DOCK10: variants seen among roughly 807,000 people sequenced by gnomAD.
DOCK10 encodes dedicator of cytokinesis protein 10.
Under a neutral mutation model 280.1 loss-of-function variants are expected in DOCK10, and 145 were observed. The observed-to-expected ratio is 0.52, with a 90% CI of 0.45 to 0.59. The LOEUF (loss-of-function observed/expected upper bound fraction) is 0.59. DOCK10 is among the 20% of genes least tolerant of loss of function. The pLI is 0.00. For missense variants in DOCK10, 2,368 were observed against 2,651.7 expected (o/e 0.89, Z 2.35); for synonymous variants, 915 against 942.2 (o/e 0.97, Z 0.53).
rs1457165124 is a variant in DOCK10, at chr2:224,765,756, G to T, written c.6526C>A (p.Pro2176Thr). The change falls in exon 56 of 56, where the codon CCC becomes ACC. Residue 2176 changes from proline (P) to threonine (T), a missense_variant. Physicochemically the swap from Pro to Thr is conservative, Grantham distance 38. Coordinates refer to ENST00000258390, the MANE Select transcript of DOCK10 (RefSeq NM_014689.3). ...GCACTAGATGAGATGGAGACCGTGGGTAGGGCCGGAGTTGCTTTGCTAATT... is the reference window on the plus strand; with the variant it reads ...GCACTAGATGAGATGGAGACCGTGGTTAGGGCCGGAGTTGCTTTGCTAATT... ...RVISKATPAL[P>T]TVSISSSAEV 1 of 1,613,910 alleles carries T rather than the reference G, an allele frequency of 6.2e-7. No homozygotes were observed. The highest frequency in any genetic ancestry group is 1.1e-5 in the South Asian group (1 of 91,056).
intron 11 of DOCK10, among the ~76,000 whole-genome samples, chr2:224,869,081 C>T (rs1053004778): frequency 3.3e-5 from 5 of 152,126 alleles, no homozygotes; most frequent in East Asian, 1.9e-4. Flanking sequence ...AACAAAGCAT[C>T]TGCAAAGCCT....
At chr2:224,954,417 A>G (rs1242620890) in intron 1 of DOCK10, among the ~76,000 whole-genome samples, 1 of 152,160 alleles carries the variant, frequency 6.6e-6, no homozygotes, top group Non-Finnish European at 1.5e-5. Context: ...TTATTTTCTG[A>G]ATTTCCTGTT....
At chr2:224,981,743 T>C (rs558475349) in intron 1 of DOCK10, among the ~76,000 whole-genome samples, 1 of 152,270 alleles carries the variant, frequency 6.6e-6, no homozygotes, top group Non-Finnish European at 1.5e-5. Context: ...AGGCATTTCC[T>C]TTGCAGAGTC....
chr2:224,969,650 A>T (rs114701858), intron 1 of DOCK10, among the ~76,000 whole-genome samples: 1,596 of 152,284 alleles, frequency 0.01, 33 homozygotes, highest in African/African-American at 0.036. Context: ...TCAGAGCTAA[A>T]AGGAAGAAAT....
At chr2:224,855,064 GACACACACACACACACACACAC>G (rs60658292) in intron 15 of DOCK10, 22 bp from the exon 16 acceptor site, 16 of 575,470 alleles carry the variant, frequency 2.8e-5, no homozygotes, top group Admixed American at 2.7e-4. Flanking sequence ...CATGAGCAAG[GACACACACACACACACACACAC>G]ACACACACAC....
intron 1 of DOCK10, among the ~76,000 whole-genome samples, chr2:224,996,057 A>G (rs996112501): frequency 3.3e-5 from 5 of 152,242 alleles, no homozygotes; most frequent in African/African-American, 1.2e-4. Context: ...CTAGGCCATT[A>G]CTTGGCCTAA....
At chr2:224,837,661 C>T (rs1695675603) in intron 25 of DOCK10, 101 bp downstream of exon 25, 4 of 928,326 alleles carry the variant, frequency 4.3e-6, no homozygotes, top group Non-Finnish European at 7.0e-6. Flanking sequence ...GTGGGCGCCA[C>T]TCAGTTAAAG....
At chr2:224,872,434 G>A (rs776401612) in intron 11 of DOCK10, among the ~76,000 whole-genome samples, 2 of 152,170 alleles carry the variant, frequency 1.3e-5, no homozygotes, top group African/African-American at 4.8e-5. Flanking sequence ...CTTGTGAGTT[G>A]GAGAGCCAGG....
At chr2:224,907,983 T>G (rs1334362625) in intron 3 of DOCK10, among the ~76,000 whole-genome samples, 1 of 152,230 alleles carries the variant, frequency 6.6e-6, no homozygotes, top group African/African-American at 2.4e-5. Flanking sequence ...TAGAAATGTT[T>G]CATTTCATAT....
rs142243553 is a variant in DOCK10, at chr2:224,964,530, G to A, written c.124-32862C>T. On this transcript the variant is annotated intron_variant, in intron 1 of 55. Coordinates refer to ENST00000258390, the MANE Select transcript of DOCK10 (RefSeq NM_014689.3). ...TTTTTCTTTTTTTAAATAGAGACAC[G>A]GTCTCGCCCCATCACCCAGTCTGGA... is the stretch of plus-strand genomic sequence containing the variant. Among the ~76,000 whole-genome samples the A allele has an allele frequency of 1.6e-3, 240 of 149,896 alleles. 1 individual carries two copies. Among genetic ancestry groups the A allele is most frequent in the African/African-American group, 5.6e-3 (226 of 40,542 alleles).
intron 1 of DOCK10, among the ~76,000 whole-genome samples, chr2:225,025,976 G>A (rs1244965178): frequency 6.6e-6 from 1 of 152,090 alleles, no homozygotes; most frequent in Non-Finnish European, 1.5e-5. Context: ...GAAGTGTTAT[G>A]GAAATACAGA....
At chr2:224,823,125 C>T (rs1269131974) in intron 28 of DOCK10, among the ~76,000 whole-genome samples, 1 of 151,408 alleles carries the variant, frequency 6.6e-6, no homozygotes, top group Non-Finnish European at 1.5e-5. Context: ...ATAGCTAGGA[C>T]TACAGGCACG....
intron 1 of DOCK10, among the ~76,000 whole-genome samples, chr2:224,971,505 G>T (rs958905711): frequency 6.6e-6 from 1 of 152,156 alleles, no homozygotes. Flanking sequence ...GGGCCACACC[G>T]GATGGGTGAC....
At chr2:224,847,944 G>A (rs1696470092) in intron 19 of DOCK10, among the ~76,000 whole-genome samples, 2 of 152,176 alleles carry the variant, frequency 1.3e-5, no homozygotes, top group Non-Finnish European at 2.9e-5. Context: ...CATGAAATGG[G>A]GAGATTATCC....
intron 41 of DOCK10, among the ~76,000 whole-genome samples, chr2:224,799,401 A>T (rs916917298): frequency 6.6e-6 from 1 of 152,224 alleles, no homozygotes; most frequent in African/African-American, 2.4e-5. Context: ...TTTTAAATCT[A>T]TTCACCTGTT....
chr2:224,936,208 A>C (rs1334600714), intron 1 of DOCK10, among the ~76,000 whole-genome samples: 4 of 152,232 alleles, frequency 2.6e-5, no homozygotes, highest in Non-Finnish European at 5.9e-5. Flanking sequence ...AGTGCATGCC[A>C]TAAATTTACT....
intron 1 of DOCK10, among the ~76,000 whole-genome samples, chr2:224,979,577 T>C (rs1196547850): frequency 6.6e-6 from 1 of 152,256 alleles, no homozygotes; most frequent in African/African-American, 2.4e-5. Flanking sequence ...CTTTCTGTTC[T>C]TCTAACACTC....
chr2:224,812,662 T>C (rs1361407957), intron 31 of DOCK10, among the ~76,000 whole-genome samples: 1 of 152,232 alleles, frequency 6.6e-6, no homozygotes, highest in African/African-American at 2.4e-5. Flanking sequence ...ATACGTCCCA[T>C]CAATACCTAA....
In DOCK10 at chr2:224,819,435, G is replaced by T. The variant is rs1487629442; in HGVS notation, c.3267+11C>A. ...GTTTAGAAAACAATCACTCCTGTAC[G>T]TGGTTCTTACCTTAAGGTCACCGGA... On this transcript the variant is annotated intron_variant, in intron 29 of 55. Coordinates refer to ENST00000258390, the MANE Select transcript of DOCK10 (RefSeq NM_014689.3). 1 of 1,564,664 alleles carries T rather than the reference G, an allele frequency of 6.4e-7. No homozygotes were observed. Among genetic ancestry groups the T allele is most frequent in the South Asian group, 1.1e-5 (1 of 87,264 alleles).
Sources: allele counts gnomAD v4.1 joint callset (sites outside exome capture counted in the v4.1 genomes callset), GRCh38; gene constraint gnomAD v4.1.1; transcripts MANE v1.5; gene names NCBI Gene and HGNC (gene_info 2026-07-23, HGNC 2026-07-21).